Variants in AGBL4 observed in about 807,000 individuals in gnomAD.
The protein encoded by AGBL4 is AGBL carboxypeptidase 4.
In AGBL4, 58 loss-of-function variants were observed where a neutral mutation model predicts 66.4. The ratio of observed to expected loss-of-function variants is 0.87; its 90% CI spans 0.71 to 1.09. AGBL4 has a LOEUF of 1.09. AGBL4 is among the 50% of genes least tolerant of loss of function. AGBL4 has a pLI of 0.00. For missense variants in AGBL4, 579 were observed against 631.0 expected, an observed-to-expected ratio of 0.92 and a Z score of 0.88; for synonymous variants, 234 against 222.9, an observed-to-expected ratio of 1.05 and a Z score of -0.44.
Position 49,163,793 on chromosome 1 carries a change from T to A in AGBL4, c.377+81977A>T, listed in dbSNP as rs558737104. Among the ~76,000 whole-genome samples, 9 of 152,182 alleles carry A rather than the reference T, an allele frequency of 5.9e-5. No individual in the cohort carries two copies. The East Asian group carries it at 1.7e-3, about 29-fold the overall frequency. Reference sequence around the variant, plus strand: ...CCAGGTTTGGAAAGCAAGAAAGGCATGATGGAGAGGGTAGAAGTTCATAAG... The same window carrying A: ...CCAGGTTTGGAAAGCAAGAAAGGCAAGATGGAGAGGGTAGAAGTTCATAAG... On this transcript the variant is annotated intron_variant, in intron 4 of 13. Coordinates refer to ENST00000371839, the MANE Select transcript of AGBL4 (RefSeq NM_032785.4).
At chr1:49,844,252 T>C (rs913002554) in intron 2 of AGBL4, among the ~76,000 whole-genome samples, 1 of 152,108 alleles carries the variant, frequency 6.6e-6, no homozygotes, top group African/African-American at 2.4e-5. Flanking sequence ...GCAGCACCTT[T>C]TTCTCTGTTG....
chr1:49,741,939 A>G (rs1650526077), intron 2 of AGBL4, among the ~76,000 whole-genome samples: 1 of 152,110 alleles, frequency 6.6e-6, no homozygotes, highest in South Asian at 2.1e-4. Flanking sequence ...CCCACAGCCA[A>G]TATCATACTG....
At chr1:49,222,453 G>A (rs1455702912) in intron 4 of AGBL4, among the ~76,000 whole-genome samples, 1 of 152,100 alleles carries the variant, frequency 6.6e-6, no homozygotes, top group Non-Finnish European at 1.5e-5. Context: ...GGATATGCAC[G>A]TTCTGCATAT....
At chr1:49,052,875 G>A (rs529589353) in intron 4 of AGBL4, among the ~76,000 whole-genome samples, 16 of 152,138 alleles carry the variant, frequency 1.1e-4, no homozygotes, top group Non-Finnish European at 2.4e-4. Context: ...TTCTAGCTTT[G>A]GATGTCTTTT....
chr1:48,833,233 A>C (rs530735995), intron 6 of AGBL4, among the ~76,000 whole-genome samples: 3 of 152,324 alleles, frequency 2.0e-5, no homozygotes, highest in Non-Finnish European at 4.4e-5. Flanking sequence ...TGAACATTAA[A>C]AGCACATCTG....
At chr1:49,914,781 G>A (rs1005631355) in intron 1 of AGBL4, among the ~76,000 whole-genome samples, 3 of 152,076 alleles carry the variant, frequency 2.0e-5, no homozygotes, top group Admixed American at 1.3e-4. Context: ...AAGGTTATTT[G>A]GCTCACAGTT....
At chr1:49,261,521 A>T (rs1570261368) in intron 3 of AGBL4, among the ~76,000 whole-genome samples, 1 of 149,880 alleles carries the variant, frequency 6.7e-6, no homozygotes, top group Non-Finnish European at 1.5e-5. Flanking sequence ...AATAACAGAC[A>T]AACAGAGAGC....
At chr1:49,375,955 C>T (rs1421277895) in intron 3 of AGBL4, among the ~76,000 whole-genome samples, 2 of 152,036 alleles carry the variant, frequency 1.3e-5, no homozygotes, top group Admixed American at 6.6e-5. Flanking sequence ...TCCCAAGATC[C>T]CACTCTCACT....
chr1:48,571,706 A>G (rs1160746270), intron 11 of AGBL4, among the ~76,000 whole-genome samples: 1 of 152,218 alleles, frequency 6.6e-6, no homozygotes, highest in East Asian at 1.9e-4. Context: ...CACAAGTGAT[A>G]AATAAATGAG....
intron 3 of AGBL4, among the ~76,000 whole-genome samples, chr1:49,605,319 A>G (rs184276868): frequency 1.2e-3 from 183 of 152,268 alleles, no homozygotes; most frequent in South Asian, 2.7e-3. Flanking sequence ...AGTTTTCTAA[A>G]AATCTTTTTT....
chr1:49,687,601 ATC>A (rs1302137575), intron 3 of AGBL4, among the ~76,000 whole-genome samples: 1 of 151,878 alleles, frequency 6.6e-6, no homozygotes, highest in Non-Finnish European at 1.5e-5. Context: ...GTGAAACCTC[ATC>A]TCTACAAAAA....
At chr1:49,678,825 G>C (rs977160381) in intron 3 of AGBL4, among the ~76,000 whole-genome samples, 23 of 152,068 alleles carry the variant, frequency 1.5e-4, no homozygotes, top group African/African-American at 5.1e-4. Flanking sequence ...AACCCACTCT[G>C]TATCATTTCA....
At chr1:49,835,739 C>T (rs930355254) in intron 2 of AGBL4, among the ~76,000 whole-genome samples, 12 of 152,072 alleles carry the variant, frequency 7.9e-5, no homozygotes, top group Admixed American at 2.6e-4. Flanking sequence ...TTAGTGCTTC[C>T]TTCATGAGCT....
At chr1:49,948,568 T>TAGAGAG (rs1205762791) in intron 1 of AGBL4, among the ~76,000 whole-genome samples, 1,177 of 70,416 alleles carry the variant, frequency 0.017, 12 homozygotes, top group Non-Finnish European at 0.028. Flanking sequence ...TATAAAAATA[T>TAGAGAG]ATATATATAT....
At chr1:49,656,179 C>T (rs1310756014) in intron 3 of AGBL4, among the ~76,000 whole-genome samples, 1 of 151,884 alleles carries the variant, frequency 6.6e-6, no homozygotes, top group African/African-American at 2.4e-5. Context: ...GGGATCCCAC[C>T]ACCAATCCCA....
At chr1:49,713,783 T>G (rs1647857515) in intron 2 of AGBL4, among the ~76,000 whole-genome samples, 1 of 152,024 alleles carries the variant, frequency 6.6e-6, no homozygotes, top group South Asian at 2.1e-4. Flanking sequence ...GTAAAATTTC[T>G]GCTTAGAAAA....
At position 50,023,888 on chromosome 1, in the gene AGBL4, A is replaced by G. The variant is rs911929693; in HGVS notation, c.-92T>C. The G allele has an allele frequency of 1.4e-6, 2 of 1,398,638 alleles. No individual in the cohort carries two copies. The highest frequency in any genetic ancestry group is 9.6e-7 in the Non-Finnish European group (1 of 1,046,140). 86.6% of individuals were successfully genotyped at this position (1,398,638 alleles called of 1,614,324 possible). ...TCAGTGGGCTGACAGGAGCTACCTC[A>G]GGAAGACGCGGCACGACGGTTGCCT... On this transcript the variant is annotated 5_prime_UTR_variant, in exon 1 of 14. Coordinates refer to ENST00000371839, the MANE Select transcript of AGBL4 (RefSeq NM_032785.4).
intron 3 of AGBL4, among the ~76,000 whole-genome samples, chr1:49,604,426 T>C (rs531569375): frequency 6.6e-6 from 1 of 152,356 alleles, no homozygotes; most frequent in Non-Finnish European, 1.5e-5. Context: ...TGGGGTTATT[T>C]TATTCATGCT....
chr1:49,805,337 G>A (rs943180861), intron 2 of AGBL4, among the ~76,000 whole-genome samples: 1 of 152,064 alleles, frequency 6.6e-6, no homozygotes, highest in Non-Finnish European at 1.5e-5. Flanking sequence ...TTGGAGAAAG[G>A]GTATGGCTCA....
Sources: gnomAD v4.1 joint callset for allele counts (sites outside exome capture counted in the v4.1 genomes callset) on GRCh38, gnomAD v4.1.1 for gene constraint, MANE v1.5 for transcripts, NCBI Gene and HGNC (gene_info 2026-07-23, HGNC 2026-07-21) for gene names.